Variants in OLA1 observed in about 807,000 individuals in gnomAD.
The protein encoded by OLA1 is obg-like ATPase 1.
A neutral mutation model predicts 48.4 loss-of-function variants in OLA1; 14 were observed. The ratio of observed to expected loss-of-function variants is 0.29; its 90% CI spans 0.19 to 0.45. OLA1 has a LOEUF of 0.45. Among genes scored for constraint, OLA1 ranks in the 20% least tolerant of loss-of-function variants. OLA1 has a pLI of 1.00. For missense variants in OLA1, 325 were observed against 467.1 expected (o/e 0.70, Z 2.80); for synonymous variants, 127 against 150.4 (o/e 0.84, Z 1.14).
chr2:174,102,951 TA>T (rs1162264764), intron 7 of OLA1, among the ~76,000 whole-genome samples: 3 of 152,190 alleles, frequency 2.0e-5, no homozygotes, highest in African/African-American at 7.2e-5. Flanking sequence ...CTGAGCTTTT[TA>T]TGGGGGCCCA....
At chr2:174,178,433 C>T (rs1375833213) in intron 4 of OLA1, among the ~76,000 whole-genome samples, 1 of 151,974 alleles carries the variant, frequency 6.6e-6, no homozygotes, top group Non-Finnish European at 1.5e-5. Context: ...CAAAGGAACA[C>T]TATAAATAAT....
At chr2:174,239,215 G>A (rs80252237) in intron 2 of OLA1, among the ~76,000 whole-genome samples, 9,505 of 152,114 alleles carry the variant, frequency 0.062, 352 homozygotes, top group Middle Eastern at 0.14. Flanking sequence ...AAATTAGGGG[G>A]CAAAAGTATG....
At chr2:174,242,492 C>T (rs779572512) in intron 2 of OLA1, among the ~76,000 whole-genome samples, 1 of 152,136 alleles carries the variant, frequency 6.6e-6, no homozygotes, top group Non-Finnish European at 1.5e-5. Context: ...GCATGAGGTT[C>T]GGGAACCCTA....
At chr2:174,221,591 G>A (rs773547408) in intron 4 of OLA1, among the ~76,000 whole-genome samples, 1 of 151,940 alleles carries the variant, frequency 6.6e-6, no homozygotes, top group African/African-American at 2.4e-5. Context: ...CTCTTGCCCC[G>A]ATCCTTCTGT....
At chr2:174,080,792 C>T (rs185005856) in intron 9 of OLA1, 2 of 184,748 alleles carry the variant, frequency 1.1e-5, no homozygotes, top group East Asian at 3.5e-4. Context: ...CCCAAACAAA[C>T]TTAGCGAATA....
In OLA1 at chr2:174,137,598, T is replaced by A. The variant is rs184295602; in HGVS notation, c.549+4227A>T. On this transcript the variant is annotated intron_variant, in intron 5 of 10. Transcript: ENST00000284719. ...CTGTTGTTTTCATTGTCTTCATCAA[T>A]GATCTTAGTTAGACCTTCTGGAGAA... Among the ~76,000 whole-genome samples, 54 of 152,346 alleles carry A rather than the reference T, an allele frequency of 3.5e-4. 1 individual carries two copies. The highest frequency in any genetic ancestry group is 3.2e-3 in the Admixed American group (49 of 15,300).
At chr2:174,181,020 G>A (rs1690159115) in intron 4 of OLA1, among the ~76,000 whole-genome samples, 1 of 152,176 alleles carries the variant, frequency 6.6e-6, no homozygotes, top group Non-Finnish European at 1.5e-5. Context: ...TACAAGGAAT[G>A]TACAAGGAGG....
At chr2:174,127,689 C>G (rs1356472103) in intron 5 of OLA1, among the ~76,000 whole-genome samples, 1 of 152,020 alleles carries the variant, frequency 6.6e-6, no homozygotes, top group East Asian at 1.9e-4. Flanking sequence ...ATCCAAGAAC[C>G]ATGGCTATTA....
At chr2:174,197,654 C>T (rs755896108) in intron 4 of OLA1, among the ~76,000 whole-genome samples, 6 of 152,048 alleles carry the variant, frequency 3.9e-5, no homozygotes, top group Non-Finnish European at 8.8e-5. Flanking sequence ...TTTAGCTGTT[C>T]TAGTTCAAAG....
chr2:174,161,186 G>C (rs767528412), intron 4 of OLA1, among the ~76,000 whole-genome samples: 4 of 152,012 alleles, frequency 2.6e-5, no homozygotes, highest in Non-Finnish European at 5.9e-5. Context: ...TTAATACAAT[G>C]CCATATAATA....
At chr2:174,142,841 A>G (rs1686491251) in intron 4 of OLA1, among the ~76,000 whole-genome samples, 1 of 152,256 alleles carries the variant, frequency 6.6e-6, no homozygotes, top group African/African-American at 2.4e-5. Flanking sequence ...ACTAAGAAAT[A>G]TTACAAACAG....
intron 7 of OLA1, among the ~76,000 whole-genome samples, chr2:174,113,554 G>C (rs887741519): frequency 2.0e-5 from 3 of 151,864 alleles, no homozygotes; most frequent in African/African-American, 7.3e-5. Context: ...ACGAGACAAG[G>C]CAAAAACAGC....
Position 174,248,442 on chromosome 2 carries a change from A to C in OLA1, c.-1+10T>G, listed in dbSNP as rs1159426967. On this transcript the variant is annotated intron_variant, in intron 1 of 10. Coordinates refer to ENST00000284719, the MANE Select transcript of OLA1 (RefSeq NM_013341.5). ...GGAGATCGCGCCCCCGGGCTCCCTG[A>C]GGGCCTCACCGTGCTCGGCCTGGGC... 6.1e-6 allele frequency: 1 copy of C among 163,456 alleles called. No homozygotes were observed. Among genetic ancestry groups the C allele is most frequent in the Non-Finnish European group, 1.5e-5 (1 of 68,140 alleles). The allele number at this position is 163,456 out of a possible 1,614,324, so 10.1% of individuals were successfully genotyped here. A position where few individuals can be genotyped will look rare whatever the true frequency, so the allele number is the denominator to read the frequency against.
At chr2:174,174,699 T>G (rs1247105829) in intron 4 of OLA1, among the ~76,000 whole-genome samples, 1 of 152,048 alleles carries the variant, frequency 6.6e-6, no homozygotes, top group African/African-American at 2.4e-5. Flanking sequence ...CTTCATGGAT[T>G]GGTAGTCTCC....
At chr2:174,198,278 T>C (rs1234377123) in intron 4 of OLA1, among the ~76,000 whole-genome samples, 1 of 152,210 alleles carries the variant, frequency 6.6e-6, no homozygotes, top group African/African-American at 2.4e-5. Flanking sequence ...AAATTTTATA[T>C]GCAATGCTTG....
chr2:174,219,884 C>A (rs1688461164), intron 4 of OLA1, among the ~76,000 whole-genome samples: 1 of 152,136 alleles, frequency 6.6e-6, no homozygotes, highest in Non-Finnish European at 1.5e-5. Flanking sequence ...GTAATCTCAG[C>A]ACTTTGGGAG....
intron 4 of OLA1, among the ~76,000 whole-genome samples, chr2:174,215,227 T>C (rs1393013322): frequency 6.6e-6 from 1 of 152,172 alleles, no homozygotes; most frequent in East Asian, 1.9e-4. Context: ...CATACTCTTG[T>C]GGTGGTTTTA....
In OLA1 at chr2:174,073,113, C is replaced by T. The variant is rs1250479903; in HGVS notation, c.*2313G>A. The T allele has an allele frequency of 1.3e-5, 2 of 152,198 alleles. No homozygotes were observed. The highest frequency in any genetic ancestry group is 2.9e-5 in the Non-Finnish European group (2 of 68,072). 9.4% of individuals were successfully genotyped at this position (152,198 alleles called of 1,614,324 possible). A position where few individuals can be genotyped will look rare whatever the true frequency, so the allele number is the denominator to read the frequency against. On this transcript the variant is annotated 3_prime_UTR_variant, in exon 11 of 11. Transcript: ENST00000284719. The stretch of plus-strand genomic sequence containing the variant: ...CGATCAATCCTCCCATCTCAGCCTC[C>T]TAAGTAGCTGGGACTACAGGTGTGT...
intron 5 of OLA1, among the ~76,000 whole-genome samples, chr2:174,139,257 T>C (rs1003030507): frequency 3.3e-5 from 5 of 152,290 alleles, no homozygotes; most frequent in South Asian, 4.1e-4. Flanking sequence ...AAGGTGGCCA[T>C]GTGAAGACTA....
Sources: gnomAD v4.1 joint callset for allele counts (sites outside exome capture counted in the v4.1 genomes callset) on GRCh38, gnomAD v4.1.1 for gene constraint, MANE v1.5 for transcripts, NCBI Gene and HGNC (gene_info 2026-07-23, HGNC 2026-07-21) for gene names.